Variants in ARRB2 observed in about 807,000 individuals in gnomAD.
ARRB2 encodes beta-arrestin-2.
ARRB2 carries 21 observed loss-of-function variants against 53.4 expected under a neutral mutation model. The observed-to-expected ratio is 0.39, with a 90% CI of 0.28 to 0.57. ARRB2 has a LOEUF of 0.57. ARRB2 is among the 20% of genes least tolerant of loss of function. ARRB2 has a pLI of 0.55. For synonymous variants in ARRB2, 180 were observed against 212.9 expected, an observed-to-expected ratio of 0.85 and a Z score of 1.34; for missense variants, 369 against 527.5, an observed-to-expected ratio of 0.70 and a Z score of 2.94.
rs756553389 is a variant in ARRB2 at position 4,721,088 on chromosome 17, C to G, written c.*49C>G. 1.3e-6 allele frequency: 2 copies of G among 1,564,040 alleles called. No individual in the cohort carries two copies. Among genetic ancestry groups the G allele is most frequent in the South Asian group, 2.2e-5 (2 of 89,442 alleles). The stretch of plus-strand genomic sequence containing the variant: ...GGGATGGGGTTGGGAGAGGTGAGGG[C>G]AGGATTAAGATCCCCACTGTCAATG... On this transcript the variant is annotated 3_prime_UTR_variant, in exon 15 of 15. Transcript: ENST00000269260. This position sits in a 1 kb window ranked among gnomAD's most constrained non-coding sequence, Gnocchi z 4.2.
In ARRB2 at chr17:4,717,834, A is replaced by C; in HGVS notation, c.486-54A>C. 2 of 1,612,644 alleles carry C rather than the reference A, an allele frequency of 1.2e-6. No individual in the cohort carries two copies. Among genetic ancestry groups the C allele is most frequent in the South Asian group, 2.2e-5 (2 of 91,040 alleles). ...GAGCCCAGGCCCCGTGCGGGGGAGG[A>C]GTAGGGTTGGGGTGTGTGAGGAATG... On this transcript the variant is annotated intron_variant, in intron 7 of 14. Coordinates refer to ENST00000269260, the MANE Select transcript of ARRB2 (RefSeq NM_004313.4). The surrounding 1 kb of genome is among the most constrained non-coding windows in gnomAD (Gnocchi z 6.0).
Position 4,716,393 on chromosome 17 carries a change from T to A in ARRB2, c.161-19T>A. The stretch of plus-strand genomic sequence containing the variant: ...GGGAAGTGGGGCTCCTGACCACTCA[T>A]CTCACCCTCCCTTGCCAGTGTTTGT... On this transcript the variant is annotated intron_variant, in intron 4 of 14. Coordinates refer to ENST00000269260, the MANE Select transcript of ARRB2 (RefSeq NM_004313.4). 6.2e-7 allele frequency: 1 copy of A among 1,614,070 alleles called. No individual in the cohort carries two copies. Among genetic ancestry groups the A allele is most frequent in the South Asian group, 1.1e-5 (1 of 91,082 alleles).
intron 14 of ARRB2, 92 bp downstream of exon 14, chr17:4,720,732 G>A: frequency 8.1e-7 from 1 of 1,236,390 alleles, no homozygotes; most frequent in Non-Finnish European, 1.1e-6. Context: ...GCTTTTGGTG[G>A]GGAGAAGCGG....
In ARRB2 at chr17:4,719,297, C is replaced by G. The variant is rs1247793372; in HGVS notation, c.794C>G (p.Pro265Arg). ...AQLEQDDQVS[P>R]SSTFCKVYTI... ...CCCACCCCCAGTGACCAGGTATCTCCCAGCTCCACATTCTGTAAGGTGTAC... is the reference window on the plus strand; with the variant it reads ...CCCACCCCCAGTGACCAGGTATCTCGCAGCTCCACATTCTGTAAGGTGTAC... Residue 265 changes from proline (P) to arginine (R), a missense_variant, in exon 11 of 15, where the codon CCC (proline) becomes CGC (arginine). Transcript: ENST00000269260. The G allele has an allele frequency of 6.2e-7, 1 of 1,613,082 alleles. No homozygotes were observed. The highest frequency in any genetic ancestry group is 1.3e-5 in the African/African-American group (1 of 74,902).
At chr17:4,714,890 C>T (rs1010595535) in intron 1 of ARRB2, 123 bp from the exon 2 acceptor site, 9 of 1,011,510 alleles carry the variant, frequency 8.9e-6, no homozygotes, top group Admixed American at 5.7e-5. Flanking sequence ...GGCAAAGCCC[C>T]ACAGCCTCAG....
rs771693958 is a variant in ARRB2 at position 4,717,958 on chromosome 17, G to A, written c.556G>A (p.Glu186Lys). The change falls in exon 8 of 15, where the codon GAA (glutamate) becomes AAA (lysine). Residue 186 changes from glutamate (E) to lysine (K), a missense_variant. Glu to Lys is a moderately conservative substitution (Grantham distance 56, BLOSUM62 1). Transcript: ENST00000269260. This position sits in a 1 kb window ranked among gnomAD's most constrained non-coding sequence, Gnocchi z 6.0. Reference protein sequence around the residue: ...PEKPGPQPSAETTRHFLMSDR... With the variant: ...PEKPGPQPSAKTTRHFLMSDR... Reference sequence around the variant, plus strand: ...GAAACCCGGCCCCCAGCCTTCAGCCGAAACCACACGCCACTTCCTCATGTC... The same window carrying A: ...GAAACCCGGCCCCCAGCCTTCAGCCAAAACCACACGCCACTTCCTCATGTC... The A allele has an allele frequency of 3.7e-6, 6 of 1,613,612 alleles. No individual in the cohort carries two copies. Among genetic ancestry groups the A allele is most frequent in the East Asian group, 2.2e-5 (1 of 44,884 alleles).
chr17:4,716,816 C>T, intron 5 of ARRB2: 1 of 877,958 alleles, frequency 1.1e-6, no homozygotes, highest in Non-Finnish European at 1.7e-6. Flanking sequence ...TTCTCATCCC[C>T]AGGAGTCCTT....
rs7208257 is a variant in ARRB2, at chr17:4,717,202, C to T, written c.358-15C>T. The T allele has an allele frequency of 0.93, 1,505,133 of 1,613,470 alleles. 702,728 individuals carry two copies. Among genetic ancestry groups the T allele is most frequent in the East Asian group, 1 (44,843 of 44,870 alleles). On this transcript the variant is annotated splice_polypyrimidine_tract_variant and intron_variant, in intron 5 of 14. Transcript: ENST00000269260. The surrounding 1 kb of genome is among the most constrained non-coding windows in gnomAD (Gnocchi z 6.0). ...TTTCTGGAAGAACTGAAGTCTTCTC[C>T]TTCCTCCGCCACAGATACCCCAGAA...
In ARRB2 at chr17:4,720,297, C is replaced by T. The variant is rs748094139; in HGVS notation, c.999C>T (p.Gly333=). The T allele has an allele frequency of 8.1e-6, 13 of 1,613,870 alleles. No individual in the cohort carries two copies. The highest frequency in any genetic ancestry group is 1.1e-5 in the Non-Finnish European group (13 of 1,179,934). Residue 333 remains glycine, a splice_region_variant and synonymous_variant, in exon 12 of 15, where the codon GGC becomes GGT. Transcript: ENST00000269260. ...AGGTGAAGCTGGTGGTGTCTCGAGGCGGGTGAGTGTCATGGGGGAGCCTGG... is the reference window on the plus strand; with the variant it reads ...AGGTGAAGCTGGTGGTGTCTCGAGGTGGGTGAGTGTCATGGGGGAGCCTGG... ...RVKVKLVVSR[G]GDVSVELPFV...
intron 14 of ARRB2, 109 bp from the exon 15 acceptor site, chr17:4,720,837 T>C (rs2150606538): frequency 1.7e-6 from 2 of 1,199,764 alleles, no homozygotes; most frequent in Non-Finnish European, 2.4e-6. Flanking sequence ...GTCCCACTGC[T>C]GTTCGAACGC....
At position 4,716,154 on chromosome 17, in the gene ARRB2, G is replaced by A; in HGVS notation, c.123G>A (p.Val41=). The A allele has an allele frequency of 6.2e-7, 1 of 1,614,172 alleles. No homozygotes were observed. The highest frequency in any genetic ancestry group is 8.5e-7 in the Non-Finnish European group (1 of 1,180,030). ...GGTGTGTCCCCCTCCTAGATGGCGT[G>A]GTGCTTGTGGACCCTGACTACCTGA... ...HLDKVDPVDG[V]VLVDPDYLKD... Residue 41 remains valine (V), a synonymous_variant, in exon 4 of 15, where the codon GTG becomes GTA. Transcript: ENST00000269260.
chr17:4,715,486 G>GACACAC (rs751919519), intron 2 of ARRB2: 3,800 of 133,490 alleles, frequency 0.028, 166 homozygotes, highest in African/African-American at 0.095. Context: ...CACACACACA[G>GACACAC]ACACACACAC....
At position 4,715,646 on chromosome 17, in the gene ARRB2, C is replaced by A. The variant is rs1914923784; in HGVS notation, c.55-327C>A. Reference sequence around the variant, plus strand: ...AGTCCTCCCTGAGGACACACACAGACACACATGCACATACATGTTCACACA... The same window carrying A: ...AGTCCTCCCTGAGGACACACACAGAAACACATGCACATACATGTTCACACA... On this transcript the variant is annotated intron_variant, in intron 2 of 14. Transcript: ENST00000269260. The A allele has an allele frequency of 1.2e-5, 5 of 409,900 alleles. No homozygotes were observed. The South Asian group carries it at 1.3e-4, about 10-fold the overall frequency. The allele number at this position is 409,900 out of a possible 1,614,324, so 25.4% of individuals were successfully genotyped here. A position where few individuals can be genotyped will look rare whatever the true frequency, so the allele number is the denominator to read the frequency against.
At position 4,720,306 on chromosome 17, in the gene ARRB2, G is replaced by A; in HGVS notation, c.1001+7G>A. Reference sequence around the variant, plus strand: ...TGGTGGTGTCTCGAGGCGGGTGAGTGTCATGGGGGAGCCTGGGTGGGGGTC... The same window carrying A: ...TGGTGGTGTCTCGAGGCGGGTGAGTATCATGGGGGAGCCTGGGTGGGGGTC... On this transcript the variant is annotated splice_region_variant and intron_variant, in intron 12 of 14. Transcript: ENST00000269260. 1 of 1,613,914 alleles carries A rather than the reference G, an allele frequency of 6.2e-7. No homozygotes were observed. Among genetic ancestry groups the A allele is most frequent in the Non-Finnish European group, 8.5e-7 (1 of 1,179,956 alleles).
intron 1 of ARRB2, among the ~76,000 whole-genome samples, chr17:4,711,529 C>A (rs1484183874): frequency 6.6e-6 from 1 of 152,124 alleles, no homozygotes; most frequent in Non-Finnish European, 1.5e-5. Context: ...AAGGTTGGGG[C>A]TGTAGGCCTC....
intron 3 of ARRB2, 42 bp downstream of exon 3, chr17:4,716,075 G>A (rs1914996954): frequency 1.2e-6 from 2 of 1,614,150 alleles, no homozygotes; most frequent in Non-Finnish European, 1.7e-6. Context: ...CCCAAGAGGG[G>A]AAGAAGTTCC....
intron 11 of ARRB2, 100 bp downstream of exon 11, chr17:4,719,520 G>A: frequency 1.3e-6 from 2 of 1,495,774 alleles, no homozygotes; most frequent in East Asian, 2.3e-5. Context: ...GAACAGAAGA[G>A]ACAAAAAGAA....
chr17:4,718,523 TG>T (rs3830452), intron 9 of ARRB2, 88 bp from the exon 10 acceptor site: 28 of 1,395,586 alleles, frequency 2.0e-5, no homozygotes, highest in Non-Finnish European at 2.5e-5. Context: ...GTGGGGAGCA[TG>T]GGGGGGCCAC....
intron 2 of ARRB2, chr17:4,715,754 A>G: frequency 1.7e-6 from 1 of 578,898 alleles, no homozygotes; most frequent in Non-Finnish European, 3.1e-6. Flanking sequence ...TGGTGGGCAG[A>G]GGTGTGCAGA....
Sources: gnomAD v4.1 joint callset for allele counts (sites outside exome capture counted in the v4.1 genomes callset) on GRCh38, gnomAD v4.1.1 for gene constraint, Gnocchi (gnomAD v3.1) non-coding constraint, MANE v1.5 for transcripts, NCBI Gene and HGNC (gene_info 2026-07-23, HGNC 2026-07-21) for gene names.